The following CHSY3 variants were observed in gnomAD, a reference collection of about 807,000 sequenced individuals.
CHSY3 encodes chondroitin sulfate synthase 3.
A neutral mutation model predicts 67.2 loss-of-function variants in CHSY3; 35 were observed. The observed-to-expected ratio is 0.52, with a 90% CI of 0.40 to 0.69. The LOEUF is 0.69. Ranked by LOEUF, CHSY3 falls within the 30% of genes least tolerant of loss-of-function variation. The probability of loss-of-function intolerance (pLI) is 0.00; values close to 1 mark genes in which losing one functional copy is unlikely to be tolerated. For synonymous variants in CHSY3, 474 were observed against 434.7 expected (o/e 1.09, Z -1.12); for missense variants, 1,069 against 1,138.5 (o/e 0.94, Z 0.88).
intron 2 of CHSY3, among the ~76,000 whole-genome samples, chr5:130,097,626 T>C (rs1240705541): frequency 6.6e-6 from 1 of 152,242 alleles, no homozygotes; most frequent in Non-Finnish European, 1.5e-5. Flanking sequence ...TAATTAAGTG[T>C]AACTACGTGT....
chr5:129,979,459 A>T (rs1185700092), intron 2 of CHSY3, among the ~76,000 whole-genome samples: 4 of 151,692 alleles, frequency 2.6e-5, no homozygotes, highest in Admixed American at 6.6e-5. Context: ...CTTTTTTTTT[A>T]AAGACTATTT....
intron 2 of CHSY3, among the ~76,000 whole-genome samples, chr5:129,948,563 C>A (rs1462543300): frequency 2.6e-5 from 4 of 152,110 alleles, no homozygotes; most frequent in Non-Finnish European, 5.9e-5. Context: ...TCACACACAC[C>A]AAAATTTCTT....
intron 2 of CHSY3, among the ~76,000 whole-genome samples, chr5:130,147,454 C>A (rs756144623): frequency 6.6e-6 from 1 of 152,126 alleles, no homozygotes; most frequent in South Asian, 2.1e-4. Flanking sequence ...AAATGCCTGG[C>A]TTAACATTAT....
intron 2 of CHSY3, among the ~76,000 whole-genome samples, chr5:130,124,487 A>T (rs1768193956): frequency 6.8e-6 from 1 of 147,330 alleles, no homozygotes; most frequent in East Asian, 2.0e-4. Context: ...ACAGAGTCTC[A>T]CTCTGTTGCC....
intron 2 of CHSY3, among the ~76,000 whole-genome samples, chr5:129,987,816 G>A (rs1429427807): frequency 1.3e-5 from 2 of 152,158 alleles, no homozygotes; most frequent in Admixed American, 6.6e-5. Flanking sequence ...CATTTGGACT[G>A]TTTTGTTTTT....
chr5:130,121,083 G>A (rs1768006908), intron 2 of CHSY3, among the ~76,000 whole-genome samples: 1 of 152,178 alleles, frequency 6.6e-6, no homozygotes. Context: ...GTGATAGACT[G>A]TAAATCTCAA....
intron 2 of CHSY3, among the ~76,000 whole-genome samples, chr5:129,962,757 G>A (rs573381963): frequency 6.6e-6 from 1 of 151,948 alleles, no homozygotes; most frequent in Admixed American, 6.6e-5. Context: ...GGCTTTTTTT[G>A]TACATATTAA....
At chr5:130,019,180 TTAAA>T (rs1193244443) in intron 2 of CHSY3, among the ~76,000 whole-genome samples, 7 of 152,170 alleles carry the variant, frequency 4.6e-5, no homozygotes, top group Non-Finnish European at 8.8e-5. Flanking sequence ...GTATTCTCAC[TTAAA>T]TAACTAATTT....
rs114281098 is a variant in CHSY3, at chr5:130,115,039, C to T, written c.1087-69190C>T. 3.9e-3 allele frequency among the ~76,000 whole-genome samples: 592 copies of T among 151,740 alleles called. 4 individuals carry two copies. Among genetic ancestry groups the T allele is most frequent in the Non-Finnish European group, 6.5e-3 (443 of 67,926 alleles). On this transcript the variant is annotated intron_variant, in intron 2 of 2. Transcript: ENST00000305031. The stretch of plus-strand genomic sequence containing the variant: ...AAATCCAATTTTAAAAAATTGCTTG[C>T]AGGGCATGATTACAACTATGGAAAA...
intron 2 of CHSY3, among the ~76,000 whole-genome samples, chr5:130,028,577 T>G (rs1484277005): frequency 2.0e-5 from 3 of 152,152 alleles, no homozygotes; most frequent in Admixed American, 2.0e-4. Context: ...ACCTGGTACA[T>G]AATAGCTGCT....
chr5:130,079,330 T>A (rs895139186), intron 2 of CHSY3, among the ~76,000 whole-genome samples: 1 of 152,136 alleles, frequency 6.6e-6, no homozygotes, highest in East Asian at 1.9e-4. Context: ...CACTTACAGA[T>A]GTATTTAAAT....
At chr5:129,971,609 A>G (rs1181169356) in intron 2 of CHSY3, among the ~76,000 whole-genome samples, 1 of 151,942 alleles carries the variant, frequency 6.6e-6, no homozygotes, top group Non-Finnish European at 1.5e-5. Context: ...GACTTAGGAA[A>G]ATTACTTGTC....
intron 2 of CHSY3, among the ~76,000 whole-genome samples, chr5:130,012,606 C>T (rs768551454): frequency 6.6e-6 from 1 of 152,142 alleles, no homozygotes; most frequent in Non-Finnish European, 1.5e-5. Context: ...TGGGGAAATT[C>T]CAGATGCTTA....
chr5:130,107,753 C>T (rs1767456657), intron 2 of CHSY3, among the ~76,000 whole-genome samples: 1 of 151,550 alleles, frequency 6.6e-6, no homozygotes, highest in Non-Finnish European at 1.5e-5. Context: ...CAAGTCAGTT[C>T]AGTTTAATAA....
chr5:130,171,918 A>T (rs1229037550), intron 2 of CHSY3, among the ~76,000 whole-genome samples: 1 of 151,218 alleles, frequency 6.6e-6, no homozygotes, highest in Non-Finnish European at 1.5e-5. Flanking sequence ...CAGCTAAACT[A>T]ACTGGAAAAA....
chr5:130,167,589 T>C (rs1769785388), intron 2 of CHSY3, among the ~76,000 whole-genome samples: 1 of 152,154 alleles, frequency 6.6e-6, no homozygotes, highest in South Asian at 2.1e-4. Context: ...GGCCACGCAT[T>C]GATGGGTATT....
chr5:130,085,544 T>A (rs1766589032), intron 2 of CHSY3, among the ~76,000 whole-genome samples: 1 of 152,166 alleles, frequency 6.6e-6, no homozygotes, highest in African/African-American at 2.4e-5. Flanking sequence ...ATTTTGTTGA[T>A]CCTTTCAAAA....
chr5:129,997,133 A>AC (rs557377032), intron 2 of CHSY3, among the ~76,000 whole-genome samples: 7 of 151,956 alleles, frequency 4.6e-5, no homozygotes, highest in African/African-American at 1.4e-4. Flanking sequence ...AAAAAAAAAA[A>AC]AAACTCTAGC....
chr5:129,986,534 C>T lies in CHSY3; in HGVS notation c.1086+78174C>T, dbSNP rs576110316. 9.2e-5 allele frequency among the ~76,000 whole-genome samples: 14 copies of T among 152,006 alleles called. No homozygotes were observed. In the East Asian group the frequency reaches 2.7e-3, roughly 29 times the overall value. On this transcript the variant is annotated intron_variant, in intron 2 of 2. Transcript: ENST00000305031. ...GGTTTTGCTATCAGAATGATGCTGG[C>T]CACATAGAATGATTTAGGGAGGAAT...
Sources: allele counts gnomAD v4.1 joint callset (sites outside exome capture counted in the v4.1 genomes callset), GRCh38; gene constraint gnomAD v4.1.1; transcripts MANE v1.5; gene names NCBI Gene and HGNC (gene_info 2026-07-23, HGNC 2026-07-21).